Variants in HEMK2 observed in about 807,000 individuals in gnomAD.
HEMK2 encodes methyltransferase HEMK2.
the HEMK2 span, among the ~76,000 whole-genome samples, chr21:28,597,209 T>C: frequency 6.6e-6 from 1 of 152,200 alleles, no homozygotes; most frequent in Non-Finnish European, 1.5e-5. Flanking sequence ...TTGAGCTAAG[T>C]CTTGAAGGAT....
the HEMK2 span, among the ~76,000 whole-genome samples, chr21:28,591,995 A>G: frequency 2.4e-4 from 36 of 152,196 alleles, no homozygotes; most frequent in African/African-American, 8.7e-4. Flanking sequence ...TATTGTGAAT[A>G]GTGCTGCAAG....
chr21:28,840,808 A>AAAGTTCCTT, the HEMK2 span, among the ~76,000 whole-genome samples: 1 of 151,132 alleles, frequency 6.6e-6, no homozygotes, highest in African/African-American at 2.4e-5. Flanking sequence ...TAAGGAACTA[A>AAAGTTCCTT]AAGTAGAAAT....
At chr21:28,854,874 A>C in the HEMK2 span, among the ~76,000 whole-genome samples, 1 of 152,188 alleles carries the variant, frequency 6.6e-6, no homozygotes, top group Non-Finnish European at 1.5e-5. Flanking sequence ...CCCAGAAATA[A>C]TACTTTGTAT....
At chr21:28,763,207 A>G in the HEMK2 span, among the ~76,000 whole-genome samples, 1 of 152,200 alleles carries the variant, frequency 6.6e-6, no homozygotes, top group Admixed American at 6.5e-5. Context: ...TCGTTTTGCT[A>G]TAAAGAAATA....
chr21:28,859,400 C>G, the HEMK2 span, among the ~76,000 whole-genome samples: 1 of 152,174 alleles, frequency 6.6e-6, no homozygotes, highest in Non-Finnish European at 1.5e-5. Context: ...TTTCCCTGCA[C>G]CTGGTCATCC....
At chr21:28,678,978 C>T in the HEMK2 span, among the ~76,000 whole-genome samples, 2 of 152,092 alleles carry the variant, frequency 1.3e-5, no homozygotes, top group African/African-American at 2.4e-5. Context: ...AGGAAGAAAA[C>T]GCATCAACTA....
At chr21:28,794,163 T>A in the HEMK2 span, among the ~76,000 whole-genome samples, 31 of 152,286 alleles carry the variant, frequency 2.0e-4, no homozygotes, top group South Asian at 6.2e-3. Flanking sequence ...ATAATATACA[T>A]ATAAATTCAT....
chr21:28,783,304 C>G, the HEMK2 span, among the ~76,000 whole-genome samples: 1 of 152,132 alleles, frequency 6.6e-6, no homozygotes, highest in Non-Finnish European at 1.5e-5. Context: ...CCTGCCTCAG[C>G]CTCCCAAGTA....
chr21:28,698,014 GA>G, the HEMK2 span, among the ~76,000 whole-genome samples: 1 of 152,116 alleles, frequency 6.6e-6, no homozygotes, highest in Non-Finnish European at 1.5e-5. Context: ...TTCTCACATG[GA>G]AGAGGTGAAC....
chr21:28,744,461 G>A, the HEMK2 span, among the ~76,000 whole-genome samples: 2 of 152,108 alleles, frequency 1.3e-5, no homozygotes, highest in Non-Finnish European at 2.9e-5. Flanking sequence ...AGTGTCTGTG[G>A]AAGGGTAGAA....
chr21:28,794,931 G>A, the HEMK2 span, among the ~76,000 whole-genome samples: 2 of 152,188 alleles, frequency 1.3e-5, no homozygotes, highest in Admixed American at 1.3e-4. Context: ...TTGACGATGG[G>A]TGCCATTAAA....
the HEMK2 span, among the ~76,000 whole-genome samples, chr21:28,863,346 A>G: frequency 6.9e-6 from 1 of 145,008 alleles, no homozygotes; most frequent in Non-Finnish European, 1.5e-5. Flanking sequence ...CTTGCTCCTC[A>G]GCCTGCAGAC....
chr21:28,754,465 T>TA, the HEMK2 span, among the ~76,000 whole-genome samples: 1 of 152,206 alleles, frequency 6.6e-6, no homozygotes, highest in Non-Finnish European at 1.5e-5. Context: ...TTACAATGCC[T>TA]AAAAATATTC....
At chr21:28,807,386 T>A in the HEMK2 span, among the ~76,000 whole-genome samples, 1 of 152,198 alleles carries the variant, frequency 6.6e-6, no homozygotes. Flanking sequence ...CAGGTCAGTT[T>A]CCTGGGAGAC....
chr21:28,863,084 G>A, the HEMK2 span, among the ~76,000 whole-genome samples: 1 of 152,106 alleles, frequency 6.6e-6, no homozygotes, highest in African/African-American at 2.4e-5. Context: ...TTGATCCTGG[G>A]TGTGTCTCTG....
the HEMK2 span, among the ~76,000 whole-genome samples, chr21:28,684,518 C>T: frequency 4.6e-5 from 7 of 152,156 alleles, no homozygotes; most frequent in African/African-American, 1.7e-4. Flanking sequence ...ATAAAGACTA[C>T]AAGGTAATAG....
the HEMK2 span, among the ~76,000 whole-genome samples, chr21:28,609,304 A>G: frequency 7.2e-5 from 11 of 152,058 alleles, no homozygotes; most frequent in African/African-American, 2.4e-4. Context: ...AGAAACAACA[A>G]TCACTGCAGT....
At chr21:28,779,665 CTT>C in the HEMK2 span, among the ~76,000 whole-genome samples, 1 of 152,144 alleles carries the variant, frequency 6.6e-6, no homozygotes, top group Non-Finnish European at 1.5e-5. Context: ...CCTTGGGTCA[CTT>C]TCTCCTGCCA....
the HEMK2 span, among the ~76,000 whole-genome samples, chr21:28,693,607 C>G: frequency 6.6e-6 from 1 of 152,166 alleles, no homozygotes. Flanking sequence ...CATGCCGCAG[C>G]CTGCCAAAAT....
Sources: gnomAD v4.1 joint callset for allele counts (sites outside exome capture counted in the v4.1 genomes callset) on GRCh38, gnomAD v4.1.1 for gene constraint, MANE v1.5 for transcripts, NCBI Gene and HGNC (gene_info 2026-07-23, HGNC 2026-07-21) for gene names.